Variants in PTPRD observed in about 807,000 individuals in gnomAD.
The protein encoded by PTPRD is protein tyrosine phosphatase receptor type D, also known as receptor-type tyrosine-protein phosphatase delta.
A neutral mutation model predicts 214.5 loss-of-function variants in PTPRD; 34 were observed. The ratio of observed to expected loss-of-function variants is 0.16; its 90% CI spans 0.12 to 0.21. The LOEUF (loss-of-function observed/expected upper bound fraction) is 0.21. Among genes scored for constraint, PTPRD ranks in the 10% least tolerant of loss-of-function variants. The pLI is 1.00. For synonymous variants in PTPRD, 1,128 were observed against 845.7 expected, an observed-to-expected ratio of 1.33 and a Z score of -5.79; for missense variants, 2,545 against 2,398.7, an observed-to-expected ratio of 1.06 and a Z score of -1.27.
intron 3 of PTPRD, among the ~76,000 whole-genome samples, chr9:10,230,790 C>G (rs2099606708): frequency 6.6e-6 from 1 of 151,980 alleles, no homozygotes; most frequent in Non-Finnish European, 1.5e-5. Context: ...AGTTCTCTAC[C>G]ATTGTTACTT....
rs536734791 is a variant in PTPRD at position 10,096,542 on chromosome 9, G to C, written c.-544-62752C>G. Among the ~76,000 whole-genome samples the C allele has an allele frequency of 2.0e-5, 3 of 152,016 alleles. No individual in the cohort carries two copies. The South Asian group carries it at 6.2e-4, about 32-fold the overall frequency. On this transcript the variant is annotated intron_variant, in intron 3 of 45. Coordinates refer to ENST00000381196, the MANE Select transcript of PTPRD (RefSeq NM_002839.4). ...TTTGGCTGCATAAATGTCTTCTTTT[G>C]AGAAGTGTCTGTTCATGTCCAATGC...
chr9:9,582,112 A>T (rs2090955437), intron 7 of PTPRD, among the ~76,000 whole-genome samples: 1 of 152,132 alleles, frequency 6.6e-6, no homozygotes, highest in African/African-American at 2.4e-5. Flanking sequence ...TGGGTTTAAC[A>T]CTATGGCAGA....
At chr9:9,041,056 G>T (rs2099638113) in intron 10 of PTPRD, among the ~76,000 whole-genome samples, 1 of 152,038 alleles carries the variant, frequency 6.6e-6, no homozygotes, top group Non-Finnish European at 1.5e-5. Context: ...TGATGGCACT[G>T]AATTTACTGC....
chr9:8,753,023 G>A (rs945432098), intron 11 of PTPRD, among the ~76,000 whole-genome samples: 1 of 152,164 alleles, frequency 6.6e-6, no homozygotes, highest in African/African-American at 2.4e-5. Context: ...TAAATACTCA[G>A]GTAGGTAACT....
At chr9:9,561,152 G>T (rs2082850381) in intron 8 of PTPRD, among the ~76,000 whole-genome samples, 1 of 152,162 alleles carries the variant, frequency 6.6e-6, no homozygotes, top group Non-Finnish European at 1.5e-5. Context: ...CTACATGGTT[G>T]TGATAACAAG....
intron 35 of PTPRD, among the ~76,000 whole-genome samples, chr9:8,415,225 A>G (rs1019165964): frequency 2.6e-5 from 4 of 152,186 alleles, no homozygotes; most frequent in Non-Finnish European, 5.9e-5. Flanking sequence ...AAAGCAGAGA[A>G]TGTGTTTCTC....
intron 8 of PTPRD, among the ~76,000 whole-genome samples, chr9:9,533,046 G>T (rs929010116): frequency 1.3e-5 from 2 of 152,108 alleles, no homozygotes; most frequent in African/African-American, 4.8e-5. Flanking sequence ...CTTTTTTATG[G>T]ATACAAACTC....
intron 6 of PTPRD, among the ~76,000 whole-genome samples, chr9:9,761,078 T>C (rs530299292): frequency 6.6e-6 from 1 of 152,280 alleles, no homozygotes; most frequent in African/African-American, 2.4e-5. Context: ...GGAAGACATA[T>C]TCATATAAAA....
At chr9:9,600,764 C>G (rs73388972) in intron 7 of PTPRD, among the ~76,000 whole-genome samples, 5,473 of 152,178 alleles carry the variant, frequency 0.036, 281 homozygotes, top group African/African-American at 0.12. Context: ...ATTTTATTCA[C>G]TGGATGCTAA....
chr9:9,301,016 T>A (rs936202747), intron 9 of PTPRD, among the ~76,000 whole-genome samples: 3 of 151,828 alleles, frequency 2.0e-5, no homozygotes, highest in African/African-American at 7.2e-5. Context: ...ATATTGTTCA[T>A]CTATGTCTCA....
At chr9:8,493,119 A>G in intron 26 of PTPRD, 140 bp from the exon 27 acceptor site, 2 of 662,844 alleles carry the variant, frequency 3.0e-6, no homozygotes, top group East Asian at 2.7e-5. Flanking sequence ...TTCATGCCTG[A>G]GCTCATGCTA....
At chr9:8,326,210 C>CATAA (rs1240650367) in intron 44 of PTPRD, among the ~76,000 whole-genome samples, 3 of 152,202 alleles carry the variant, frequency 2.0e-5, no homozygotes, top group Admixed American at 1.3e-4. Context: ...GTGCGTTTGT[C>CATAA]ATAAATAGCT....
At chr9:10,431,273 C>T (rs1668794273) in intron 2 of PTPRD, among the ~76,000 whole-genome samples, 2 of 152,000 alleles carry the variant, frequency 1.3e-5, no homozygotes, top group Admixed American at 1.3e-4. Context: ...ACACTTTATG[C>T]AAAAATCAAT....
intron 2 of PTPRD, among the ~76,000 whole-genome samples, chr9:10,412,834 T>C (rs2098451096): frequency 6.6e-6 from 1 of 151,742 alleles, no homozygotes; most frequent in South Asian, 2.1e-4. Context: ...GTGTGATTCA[T>C]CACATAAAGA....
intron 11 of PTPRD, among the ~76,000 whole-genome samples, chr9:8,848,509 T>A (rs1337381894): frequency 6.2e-5 from 9 of 146,028 alleles, no homozygotes; most frequent in African/African-American, 2.1e-4. Context: ...CAAATATTTT[T>A]TTTTTTTTTT....
chr9:8,728,542 A>C (rs921361400), intron 12 of PTPRD, among the ~76,000 whole-genome samples: 2 of 152,116 alleles, frequency 1.3e-5, no homozygotes, highest in African/African-American at 4.8e-5. Context: ...GTGTAAACTG[A>C]CTCTGCCTAC....
chr9:10,072,775 T>C (rs1393050824), intron 3 of PTPRD, among the ~76,000 whole-genome samples: 2 of 152,110 alleles, frequency 1.3e-5, no homozygotes, highest in Non-Finnish European at 2.9e-5. Context: ...CTTTGGAAGA[T>C]AGTTGTGTAG....
intron 5 of PTPRD, among the ~76,000 whole-genome samples, chr9:9,875,233 C>A (rs2066516474): frequency 6.6e-6 from 1 of 151,950 alleles, no homozygotes; most frequent in African/African-American, 2.4e-5. Flanking sequence ...TTTTGAGATC[C>A]TTTATGTTTA....
At chr9:8,804,860 C>T (rs2096644243) in intron 11 of PTPRD, among the ~76,000 whole-genome samples, 1 of 152,156 alleles carries the variant, frequency 6.6e-6, no homozygotes, top group Admixed American at 6.6e-5. Context: ...ATAAAAATAG[C>T]TTGTGTTGAC....
Sources: gnomAD v4.1 joint callset for allele counts (sites outside exome capture counted in the v4.1 genomes callset) on GRCh38, gnomAD v4.1.1 for gene constraint, MANE v1.5 for transcripts, NCBI Gene and HGNC (gene_info 2026-07-23, HGNC 2026-07-21) for gene names.